The following RERE variants were observed in gnomAD, a reference collection of about 807,000 sequenced individuals.
RERE encodes arginine-glutamic acid dipeptide repeats protein.
A neutral mutation model predicts 146.1 loss-of-function variants in RERE; 40 were observed. The ratio of observed to expected loss-of-function variants is 0.27; its 90% CI spans 0.21 to 0.36. The LOEUF (loss-of-function observed/expected upper bound fraction) is 0.36, where lower values mean the gene tolerates loss of function less well. Ranked by LOEUF, RERE falls within the 10% of genes least tolerant of loss-of-function variation. The pLI is 1.00. For missense variants in RERE, 1,933 were observed against 2,138.7 expected (o/e 0.90, Z 1.90); for synonymous variants, 1,003 against 866.0 (o/e 1.16, Z -2.78).
chr1:8,572,865 C>T (rs1557692438), intron 4 of RERE, among the ~76,000 whole-genome samples: 1 of 152,196 alleles, frequency 6.6e-6, no homozygotes, highest in African/African-American at 2.4e-5. Flanking sequence ...CATTTATTTA[C>T]ACTGTTATTT....
At chr1:8,762,532 C>T (rs746046676) in intron 1 of RERE, among the ~76,000 whole-genome samples, 1 of 152,102 alleles carries the variant, frequency 6.6e-6, no homozygotes, top group African/African-American at 2.4e-5. Context: ...CTAGAATACC[C>T]GAGAAAGGTG....
At chr1:8,517,707 GA>G (rs1645438673) in intron 7 of RERE, among the ~76,000 whole-genome samples, 1 of 152,052 alleles carries the variant, frequency 6.6e-6, no homozygotes, top group South Asian at 2.1e-4. Flanking sequence ...TATGAAATCT[GA>G]TACAAAAAAA....
intron 4 of RERE, among the ~76,000 whole-genome samples, chr1:8,582,439 G>C (rs992086753): frequency 2.7e-5 from 4 of 148,618 alleles, no homozygotes; most frequent in African/African-American, 1.0e-4. Context: ...GGGGGGTAGA[G>C]ACAGGGTCTC....
intron 1 of RERE, among the ~76,000 whole-genome samples, chr1:8,803,069 A>T (rs1641616306): frequency 6.6e-6 from 1 of 152,228 alleles, no homozygotes; most frequent in Non-Finnish European, 1.5e-5. Context: ...GTTATATTTT[A>T]AAATAAATTT....
chr1:8,767,154 T>TG (rs1309973388), intron 1 of RERE, among the ~76,000 whole-genome samples: 1 of 152,234 alleles, frequency 6.6e-6, no homozygotes, highest in Non-Finnish European at 1.5e-5. Flanking sequence ...TGGGTATCAC[T>TG]GGCATGTAGC....
chr1:8,553,217 C>T (rs1439825566), intron 6 of RERE, among the ~76,000 whole-genome samples: 1 of 152,058 alleles, frequency 6.6e-6, no homozygotes, highest in African/African-American at 2.4e-5. Context: ...TGCAAAATTG[C>T]ACCATTAGGC....
At chr1:8,553,368 A>C (rs1645963293) in intron 6 of RERE, among the ~76,000 whole-genome samples, 1 of 151,088 alleles carries the variant, frequency 6.6e-6, no homozygotes. Flanking sequence ...ACACACACGT[A>C]AAATTGCACC....
chr1:8,560,107 G>A (rs186425311), intron 4 of RERE, among the ~76,000 whole-genome samples: 94 of 152,250 alleles, frequency 6.2e-4, no homozygotes, highest in Admixed American at 1.5e-3. Flanking sequence ...TATAAACCAG[G>A]GGAAGAAGCA....
At chr1:8,480,256 C>T (rs1442360635) in intron 10 of RERE, among the ~76,000 whole-genome samples, 1 of 150,742 alleles carries the variant, frequency 6.6e-6, no homozygotes, top group African/African-American at 2.4e-5. Context: ...TCTCCTGCCT[C>T]AACCTCCTGA....
At chr1:8,789,883 T>C (rs1419438803) in intron 1 of RERE, among the ~76,000 whole-genome samples, 3 of 152,216 alleles carry the variant, frequency 2.0e-5, no homozygotes, top group Non-Finnish European at 2.9e-5. Flanking sequence ...GGTCAACTTA[T>C]TTAATCCACA....
chr1:8,803,346 T>G (rs1641622119), intron 1 of RERE, among the ~76,000 whole-genome samples: 2 of 152,028 alleles, frequency 1.3e-5, no homozygotes, highest in African/African-American at 2.4e-5. Flanking sequence ...CACATGCCTG[T>G]AAGGTCCCAG....
At chr1:8,406,511 C>A (rs1487850407) in intron 12 of RERE, among the ~76,000 whole-genome samples, 1 of 152,040 alleles carries the variant, frequency 6.6e-6, no homozygotes, top group African/African-American at 2.4e-5. Context: ...CGCACACACA[C>A]AAAAGGAGGG....
intron 1 of RERE, among the ~76,000 whole-genome samples, chr1:8,738,567 C>T (rs1035042538): frequency 6.6e-6 from 1 of 152,066 alleles, no homozygotes; most frequent in African/African-American, 2.4e-5. Flanking sequence ...CAAGGCAGAG[C>T]CTGCAGCCCT....
chr1:8,731,161 A>C (rs1640071151), intron 1 of RERE, among the ~76,000 whole-genome samples: 1 of 152,348 alleles, frequency 6.6e-6, no homozygotes, highest in East Asian at 1.9e-4. Context: ...GACGAACTGC[A>C]GAAGACTGAG....
At chr1:8,804,690 T>C (rs1312316208) in intron 1 of RERE, among the ~76,000 whole-genome samples, 1 of 152,194 alleles carries the variant, frequency 6.6e-6, no homozygotes, top group Non-Finnish European at 1.5e-5. Flanking sequence ...GCTTTTGCCT[T>C]TTCCTCCTTC....
At chr1:8,657,085 G>A (rs1319168303) in intron 1 of RERE, among the ~76,000 whole-genome samples, 3 of 152,228 alleles carry the variant, frequency 2.0e-5, no homozygotes, top group South Asian at 2.1e-4. Context: ...GATGGATCAC[G>A]GGGTCAGGAG....
At chr1:8,715,724 C>A (rs1194309396) in intron 1 of RERE, among the ~76,000 whole-genome samples, 1 of 151,932 alleles carries the variant, frequency 6.6e-6, no homozygotes, top group African/African-American at 2.4e-5. Flanking sequence ...GAAAACATGA[C>A]AAAACCTTGT....
intron 1 of RERE, among the ~76,000 whole-genome samples, chr1:8,780,729 C>T (rs1641148256): frequency 6.6e-6 from 1 of 152,144 alleles, no homozygotes; most frequent in African/African-American, 2.4e-5. Context: ...TTCTCAAGTC[C>T]TTAGAATAAA....
chr1:8,458,161 C>T (rs1465725172), intron 11 of RERE, among the ~76,000 whole-genome samples: 2 of 152,120 alleles, frequency 1.3e-5, no homozygotes, highest in Non-Finnish European at 2.9e-5. Flanking sequence ...AAAGGGTTTT[C>T]CATCCTCTTC....
Sources: allele counts gnomAD v4.1 joint callset (sites outside exome capture counted in the v4.1 genomes callset), GRCh38; gene constraint gnomAD v4.1.1; transcripts MANE v1.5; gene names NCBI Gene and HGNC (gene_info 2026-07-23, HGNC 2026-07-21).